Variants in CASP10 observed in about 807,000 individuals in gnomAD.
The protein encoded by CASP10 is caspase-10.
Under a neutral mutation model 48.5 loss-of-function variants are expected in CASP10, and 41 were observed. The ratio of observed to expected loss-of-function variants is 0.85; its 90% CI spans 0.66 to 1.10. CASP10 has a LOEUF of 1.10. CASP10 is among the 50% of genes least tolerant of loss of function. The probability of loss-of-function intolerance (pLI) is 0.00; values close to 1 mark genes in which losing one functional copy is unlikely to be tolerated. For synonymous variants in CASP10, 232 were observed against 238.4 expected, an observed-to-expected ratio of 0.97 and a Z score of 0.25; for missense variants, 614 against 614.5, an observed-to-expected ratio of 1.00 and a Z score of 0.01.
At chr2:201,193,183 C>A (rs1277203936) in intron 4 of CASP10, 64 bp downstream of exon 4, 2 of 1,501,932 alleles carry the variant, frequency 1.3e-6, no homozygotes, top group Non-Finnish European at 1.9e-6. Context: ...ATTGGCCATG[C>A]ATGATGTTTT....
chr2:201,226,304 C>T (rs1945786979), downstream of CASP10, among the ~76,000 whole-genome samples: 1 of 152,134 alleles, frequency 6.6e-6, no homozygotes, highest in Non-Finnish European at 1.5e-5. Context: ...AAAACTCTGT[C>T]AGTACCAAGT....
chr2:201,216,115 A>G (rs1945559944), intron 9 of CASP10, among the ~76,000 whole-genome samples: 1 of 151,254 alleles, frequency 6.6e-6, no homozygotes, highest in Admixed American at 6.6e-5. Context: ...AGTGTTTAAT[A>G]TTTAAGTTAA....
In CASP10 at chr2:201,208,078, G is replaced by A. The variant is rs1335254762; in HGVS notation, c.817G>A (p.Ala273Thr). ...GTGGCTCTATCTATTCTTCAAGAGG[G>A]CAGCTGTGTACAGGATGAATCGGAA... ...TLNSETSTKR[A>T]AVYRMNRNHR... Residue 273 changes from alanine to threonine, a missense_variant, in exon 8 of 10, where the codon GCA becomes ACA. Physicochemically the swap from Ala to Thr is moderately conservative, Grantham distance 58. Transcript: ENST00000286186. 3 of 1,611,700 alleles carry A rather than the reference G, an allele frequency of 1.9e-6. No homozygotes were observed. The highest frequency in any genetic ancestry group is 1.7e-5 in the Admixed American group (1 of 59,970).
At chr2:201,193,573 G>T (rs529916185) in intron 4 of CASP10, among the ~76,000 whole-genome samples, 1 of 152,058 alleles carries the variant, frequency 6.6e-6, no homozygotes, top group South Asian at 2.1e-4. Flanking sequence ...CTTCCCCTTC[G>T]TTCATTCAAC....
At chr2:201,207,936 C>A (rs950628280) in intron 7 of CASP10, 139 bp from the exon 8 acceptor site, 1 of 697,912 alleles carries the variant, frequency 1.4e-6, no homozygotes, top group South Asian at 1.5e-5. Context: ...ACAACAACAA[C>A]AAAAACATGG....
At chr2:201,208,948 GATT>G in intron 8 of CASP10, 119 bp from the exon 9 acceptor site, 1 of 1,092,518 alleles carries the variant, frequency 9.2e-7, no homozygotes, top group Non-Finnish European at 1.3e-6. Context: ...AAAGTGCTGA[GATT>G]ATAGGTGTGA....
intron 1 of CASP10, among the ~76,000 whole-genome samples, chr2:201,183,805 A>T (rs1295219430): frequency 6.6e-6 from 1 of 152,168 alleles, no homozygotes; most frequent in South Asian, 2.1e-4. Flanking sequence ...TGTCACCTCG[A>T]TATAACCACT....
chr2:201,201,578 G>T (rs41389644), intron 5 of CASP10, among the ~76,000 whole-genome samples: 25 of 122,744 alleles, frequency 2.0e-4, no homozygotes, highest in African/African-American at 8.1e-4. Flanking sequence ...CTGTGGTTCC[G>T]CTGACGTGGG....
downstream of CASP10, among the ~76,000 whole-genome samples, chr2:201,225,405 T>C (rs1000262725): frequency 1.3e-5 from 2 of 152,132 alleles, no homozygotes; most frequent in African/African-American, 4.8e-5. Flanking sequence ...TGCAGACAGG[T>C]CTCGTTTCAA....
chr2:201,206,833 A>T (rs974661913), intron 7 of CASP10, among the ~76,000 whole-genome samples: 1 of 152,118 alleles, frequency 6.6e-6, no homozygotes. Context: ...ATCTGAAAAA[A>T]ATCTTTGATA....
chr2:201,205,418 A>C (rs1352895446), intron 6 of CASP10, among the ~76,000 whole-genome samples: 1 of 150,316 alleles, frequency 6.7e-6, no homozygotes, highest in Non-Finnish European at 1.5e-5. Context: ...TTTTCTAGAG[A>C]TGGGGTCTCA....
chr2:201,221,199 A>G lies in CASP10; in HGVS notation c.*3458A>G. ...CTAGCATTACCCCTGACATACTCTG[A>G]GTAAGATCTAATTCTTCCCTCACTG... On this transcript the variant is annotated 3_prime_UTR_variant, in exon 10 of 10. Transcript: ENST00000286186. The G allele has an allele frequency of 7.1e-6, 7 of 985,412 alleles. No individual in the cohort carries two copies. The highest frequency in any genetic ancestry group is 8.4e-6 in the Non-Finnish European group (7 of 829,938). The allele number at this position is 985,412 out of a possible 1,614,324, so 61.0% of individuals were successfully genotyped here.
downstream of CASP10, among the ~76,000 whole-genome samples, chr2:201,222,524 A>C (rs1481083033): frequency 6.6e-6 from 1 of 152,212 alleles, no homozygotes; most frequent in Non-Finnish European, 1.5e-5. Context: ...TTCTTTCATA[A>C]AAGTTTGGAT....
At chr2:201,224,989 T>C (rs558205210), downstream of CASP10, among the ~76,000 whole-genome samples, 23 of 152,318 alleles carry the variant, frequency 1.5e-4, no homozygotes, top group Admixed American at 2.6e-4. Context: ...GTATCCTCCA[T>C]GTCCCCCCAA....
At chr2:201,226,893 A>G (rs529193530) in intron 9 of CASP10, among the ~76,000 whole-genome samples, 3 of 152,306 alleles carry the variant, frequency 2.0e-5, no homozygotes, top group Non-Finnish European at 4.4e-5. Flanking sequence ...CAGTTTAAAT[A>G]TATGTATCAG....
chr2:201,209,041 CTT>C (rs377760707), intron 8 of CASP10, 27 bp from the exon 9 acceptor site: 13,652 of 1,263,428 alleles, frequency 0.011, 4 homozygotes, highest in African/African-American at 0.024. Flanking sequence ...CTCTCTCTCT[CTT>C]TTTTTTTTTT....
chr2:201,187,696 T>A lies in CASP10; in HGVS notation c.348-10T>A. ...AAGGCTTTATTTGTCATTTTGGGTG[T>A]GTGTCTTAGAAACCTGCTCTACGAA... On this transcript the variant is annotated splice_polypyrimidine_tract_variant and intron_variant, in intron 2 of 9. Transcript: ENST00000286186. 1.2e-6 allele frequency: 2 copies of A among 1,604,014 alleles called. No homozygotes were observed. The highest frequency in any genetic ancestry group is 1.7e-6 in the Non-Finnish European group (2 of 1,170,786).
intron 6 of CASP10, among the ~76,000 whole-genome samples, chr2:201,205,188 G>C (rs944192745): frequency 1.3e-5 from 2 of 151,756 alleles, no homozygotes; most frequent in African/African-American, 4.8e-5. Context: ...TGCCCAACTG[G>C]AACTTTCTTT....
At chr2:201,200,844 G>A (rs1433111400) in intron 5 of CASP10, 10 of 694,758 alleles carry the variant, frequency 1.4e-5, no homozygotes, top group South Asian at 6.1e-5. Context: ...TAGGAAAATA[G>A]CCCTTGATTC....
Sources: gnomAD v4.1 joint callset for allele counts (sites outside exome capture counted in the v4.1 genomes callset) on GRCh38, gnomAD v4.1.1 for gene constraint, MANE v1.5 for transcripts, NCBI Gene and HGNC (gene_info 2026-07-23, HGNC 2026-07-21) for gene names.